Variants in PAWR observed in about 807,000 individuals in gnomAD.
PAWR encodes the protein pro-apoptotic WT1 regulator.
In PAWR, 23 loss-of-function variants were observed where a neutral mutation model predicts 32.0. That is an observed-to-expected ratio of 0.72 (90% CI 0.52 to 1.02). PAWR has a LOEUF of 1.02. Ranked by LOEUF, PAWR falls within the 50% of genes least tolerant of loss-of-function variation. The pLI, the probability that PAWR is intolerant of heterozygous loss-of-function variation, is 0.00. For synonymous variants in PAWR, 226 were observed against 187.1 expected, an observed-to-expected ratio of 1.21 and a Z score of -1.70; for missense variants, 457 against 437.7, an observed-to-expected ratio of 1.04 and a Z score of -0.39.
At chr12:79,602,322 C>A (rs1276624066) in intron 4 of PAWR, among the ~76,000 whole-genome samples, 2 of 152,096 alleles carry the variant, frequency 1.3e-5, no homozygotes, top group African/African-American at 4.8e-5. Context: ...ATATATCACC[C>A]CCCTTTGGAG....
At chr12:79,682,252 A>C (rs1343672681) in intron 2 of PAWR, among the ~76,000 whole-genome samples, 1 of 150,386 alleles carries the variant, frequency 6.6e-6, no homozygotes, top group Non-Finnish European at 1.5e-5. Flanking sequence ...CCTGGGCTCA[A>C]TTGATTCTCC....
At chr12:79,633,487 G>C (rs1003748388) in intron 2 of PAWR, among the ~76,000 whole-genome samples, 3 of 152,070 alleles carry the variant, frequency 2.0e-5, no homozygotes, top group Admixed American at 2.0e-4. Flanking sequence ...TGTTGGTGAG[G>C]ATTTAGCAGC....
At chr12:79,644,404 T>G (rs570590362) in intron 2 of PAWR, among the ~76,000 whole-genome samples, 3 of 152,282 alleles carry the variant, frequency 2.0e-5, no homozygotes, top group African/African-American at 4.8e-5. Flanking sequence ...AACCATGAAG[T>G]ATTCATTTAC....
rs1371562216 is a variant in PAWR, at chr12:79,588,534, A to G, written c.*4073T>C. On this transcript the variant is annotated 3_prime_UTR_variant, in exon 7 of 7. Coordinates refer to ENST00000328827, the MANE Select transcript of PAWR (RefSeq NM_002583.4). ...TAACTAGATCTAAAAACAGTGGCTG[A>G]ATACTTAACACAAAGAAGTACTTTT... The G allele has an allele frequency of 1.3e-5, 2 of 152,092 alleles. No homozygotes were observed. Among genetic ancestry groups the G allele is most frequent in the Non-Finnish European group, 2.9e-5 (2 of 67,840 alleles). The allele number at this position is 152,092 out of a possible 1,614,324, so 9.4% of individuals were successfully genotyped here.
chr12:79,685,689 G>A (rs1878650012), intron 2 of PAWR, among the ~76,000 whole-genome samples: 3 of 152,134 alleles, frequency 2.0e-5, no homozygotes, highest in Admixed American at 1.3e-4. Flanking sequence ...AGGTTAGAGG[G>A]TCAGAGGCAA....
At chr12:79,656,033 A>G (rs1877078414) in intron 2 of PAWR, among the ~76,000 whole-genome samples, 1 of 152,242 alleles carries the variant, frequency 6.6e-6, no homozygotes, top group Non-Finnish European at 1.5e-5. Context: ...AAAGGGTAGT[A>G]AATCTCAAGA....
chr12:79,686,797 C>T (rs1223967994), intron 2 of PAWR, among the ~76,000 whole-genome samples: 1 of 152,210 alleles, frequency 6.6e-6, no homozygotes, highest in Non-Finnish European at 1.5e-5. Context: ...CCCTTTTAAA[C>T]ACACACTATT....
chr12:79,592,611 C>G lies in PAWR; in HGVS notation c.1019G>C (p.Arg340Thr). 1 of 760,194 alleles carries G rather than the reference C, an allele frequency of 1.3e-6. No individual in the cohort carries two copies. The highest frequency in any genetic ancestry group is 1.7e-5 in the African/African-American group (1 of 57,728). The allele number at this position is 760,194 out of a possible 1,614,324, so 47.1% of individuals were successfully genotyped here. A position where few individuals can be genotyped will look rare whatever the true frequency, so the allele number is the denominator to read the frequency against. ...TLLKVVGQLT[R>T] ...CCACATTGAGTCTTGAATCCTCTAC[C>G]TGGTCAGCTGACCCACAACTTTCAA... is the stretch of plus-strand genomic sequence containing the variant. The change falls in exon 7 of 7, where the codon AGG becomes ACG. Residue 340 changes from arginine to threonine, a missense_variant. Transcript: ENST00000328827.
At chr12:79,665,997 G>A (rs1033376566) in intron 2 of PAWR, among the ~76,000 whole-genome samples, 2 of 152,136 alleles carry the variant, frequency 1.3e-5, no homozygotes, top group African/African-American at 4.8e-5. Context: ...CAGATAACTT[G>A]AAAGCTTCCA....
intron 2 of PAWR, among the ~76,000 whole-genome samples, chr12:79,622,031 AAAAC>A (rs1023693072): frequency 1.4e-4 from 22 of 152,008 alleles, no homozygotes; most frequent in African/African-American, 5.3e-4. Context: ...AACAAAAACA[AAAAC>A]AAAAAAAACC....
Position 79,690,916 on chromosome 12 carries a change from C to A in PAWR, c.-192G>T, listed in dbSNP as rs543786953. The A allele has an allele frequency of 2.0e-5, 3 of 152,256 alleles. No homozygotes were observed. Among genetic ancestry groups the A allele is most frequent in the African/African-American group, 7.2e-5 (3 of 41,432 alleles). The allele number at this position is 152,256 out of a possible 1,614,324, so 9.4% of individuals were successfully genotyped here. On this transcript the variant is annotated 5_prime_UTR_variant, in exon 1 of 7. Coordinates refer to ENST00000328827, the MANE Select transcript of PAWR (RefSeq NM_002583.4). ...GACGAGGCGTAGGGCTGGGATCCGG[C>A]TCCCAGGTGTGCCGAAGCTGGCGCG... is the stretch of plus-strand genomic sequence containing the variant.
chr12:79,680,134 CAT>C (rs1392623066), intron 2 of PAWR, among the ~76,000 whole-genome samples: 6 of 152,298 alleles, frequency 3.9e-5, no homozygotes, highest in Non-Finnish European at 7.3e-5. Flanking sequence ...GATATGAACA[CAT>C]GTTAGGGAAC....
At chr12:79,626,579 C>CT (rs60708482) in intron 2 of PAWR, among the ~76,000 whole-genome samples, 53 of 144,842 alleles carry the variant, frequency 3.7e-4, no homozygotes, top group Middle Eastern at 3.5e-3. Flanking sequence ...TTTTTTTTTC[C>CT]TTTTTTTTTT....
intron 2 of PAWR, among the ~76,000 whole-genome samples, chr12:79,639,881 T>TTCCATTCC (rs1876215099): frequency 1.1e-3 from 128 of 112,536 alleles, no homozygotes; most frequent in East Asian, 5.2e-3. Context: ...TTCCTATTCC[T>TTCCATTCC]ATTCCATTCC....
Position 79,626,554 on chromosome 12 carries a change from C to T in PAWR, c.517-5347G>A, listed in dbSNP as rs560835440. ...GATTACAGGTGTGAGCCACACGCCC[C>T]GCCGAAATGACAACTTTTTTTTTCC... On this transcript the variant is annotated intron_variant, in intron 2 of 6. Transcript: ENST00000328827. Among the ~76,000 whole-genome samples, 12 of 151,534 alleles carry T rather than the reference C, an allele frequency of 7.9e-5. No individual in the cohort carries two copies. In the East Asian group the frequency reaches 1.6e-3, roughly 20 times the overall value.
intron 2 of PAWR, among the ~76,000 whole-genome samples, chr12:79,633,030 A>C (rs1875786195): frequency 6.6e-6 from 1 of 151,896 alleles, no homozygotes; most frequent in Non-Finnish European, 1.5e-5. Flanking sequence ...GTTACTTGGG[A>C]GGTGGAGGTA....
chr12:79,659,055 T>C (rs1565694053), intron 2 of PAWR, among the ~76,000 whole-genome samples: 1 of 151,862 alleles, frequency 6.6e-6, no homozygotes, highest in Non-Finnish European at 1.5e-5. Flanking sequence ...CCCAACACTT[T>C]GGGAGGCCAA....
chr12:79,625,047 T>A (rs764617625), intron 2 of PAWR, among the ~76,000 whole-genome samples: 1 of 152,156 alleles, frequency 6.6e-6, no homozygotes, highest in Non-Finnish European at 1.5e-5. Context: ...CAGTATGACA[T>A]TACCTGTTCT....
chr12:79,601,438 C>T (rs1354852805), intron 4 of PAWR, among the ~76,000 whole-genome samples: 5 of 152,082 alleles, frequency 3.3e-5, no homozygotes, highest in Middle Eastern at 3.4e-3. Context: ...GTCCTGGCCT[C>T]AAGCGATCTT....
Sources: allele counts gnomAD v4.1 joint callset (sites outside exome capture counted in the v4.1 genomes callset), GRCh38; gene constraint gnomAD v4.1.1; transcripts MANE v1.5; gene names NCBI Gene and HGNC (gene_info 2026-07-23, HGNC 2026-07-21).